POC5: variants seen among roughly 807,000 people sequenced by gnomAD.
POC5 encodes centrosomal protein POC5.
Under a neutral mutation model 62.9 loss-of-function variants are expected in POC5, and 48 were observed. The ratio of observed to expected loss-of-function variants is 0.76; its 90% CI spans 0.61 to 0.97. The LOEUF is 0.97. Among genes scored for constraint, POC5 ranks in the 50% least tolerant of loss-of-function variants. The pLI, the probability that POC5 is intolerant of heterozygous loss-of-function variation, is 0.00. For missense variants in POC5, 696 were observed against 679.5 expected, an observed-to-expected ratio of 1.02 and a Z score of -0.27; for synonymous variants, 236 against 228.2, an observed-to-expected ratio of 1.03 and a Z score of -0.31.
rs749361349 is a variant in POC5 at position 75,684,363 on chromosome 5, A to AT, written c.1407+843dup. 6.1e-3 allele frequency among the ~76,000 whole-genome samples: 806 copies of AT among 132,686 alleles called. 5 individuals carry two copies. Among genetic ancestry groups the AT allele is most frequent in the African/African-American group, 0.011 (382 of 35,520 alleles). 87.0% of individuals were successfully genotyped at this position (132,686 alleles called of 152,430 possible). A position where few individuals can be genotyped will look rare whatever the true frequency, so the allele number is the denominator to read the frequency against. On this transcript the variant is annotated intron_variant, in intron 10 of 11. Transcript: ENST00000428202. The stretch of plus-strand genomic sequence containing the variant: ...AAATTAAATCTACTTTTCCTACATA[A>AT]TTTTTTTTTTTTTTTTTTTGCGACG...
intron 5 of POC5, among the ~76,000 whole-genome samples, chr5:75,702,391 G>A (rs1276326559): frequency 6.6e-6 from 1 of 152,116 alleles, no homozygotes; most frequent in African/African-American, 2.4e-5. Context: ...CCCTGCTGAA[G>A]ACCTACTGCA....
At chr5:75,706,666 C>G (rs1431951128) in intron 3 of POC5, among the ~76,000 whole-genome samples, 1 of 151,936 alleles carries the variant, frequency 6.6e-6, no homozygotes, top group Non-Finnish European at 1.5e-5. Flanking sequence ...TGAGCTCATG[C>G]AATCCTCCCA....
chr5:75,700,034 G>A (rs2112163498), intron 5 of POC5, among the ~76,000 whole-genome samples: 1 of 151,786 alleles, frequency 6.6e-6, no homozygotes, highest in East Asian at 1.9e-4. Flanking sequence ...CCTCTTCAAG[G>A]AGAACTACAG....
intron 3 of POC5, among the ~76,000 whole-genome samples, chr5:75,706,914 G>A (rs1777144455): frequency 6.6e-6 from 1 of 152,150 alleles, no homozygotes; most frequent in South Asian, 2.1e-4. Context: ...AAAGACAGAG[G>A]AACAGTGAAA....
Position 75,690,383 on chromosome 5 carries a change from C to T in POC5, c.975G>A (p.Met325Ile), listed in dbSNP as rs751857490. The change falls in exon 8 of 12, where the codon ATG becomes ATA. Residue 325 changes from methionine (M) to isoleucine (I), a missense_variant and splice_region_variant. Physicochemically the swap from Met to Ile is conservative, Grantham distance 10. Coordinates refer to ENST00000428202, the MANE Select transcript of POC5 (RefSeq NM_001099271.2). ...ISNDYEAKVA[M>I]LSGALENAKA... Reference sequence around the variant, plus strand: ...GTGAAAACCAGAAAAAGATGCTTACCATAGCAACTTTGGCTTCATAATCAT... The same window carrying T: ...GTGAAAACCAGAAAAAGATGCTTACTATAGCAACTTTGGCTTCATAATCAT... The T allele has an allele frequency of 5.6e-6, 9 of 1,601,768 alleles. No individual in the cohort carries two copies. Among genetic ancestry groups the T allele is most frequent in the Non-Finnish European group, 7.7e-6 (9 of 1,174,764 alleles).
chr5:75,681,773 A>T (rs1023060297), intron 10 of POC5, among the ~76,000 whole-genome samples: 2 of 152,020 alleles, frequency 1.3e-5, no homozygotes, highest in Non-Finnish European at 1.5e-5. Context: ...ACTGAAAAAA[A>T]TTTTTGAATG....
rs1323463451 is a variant in POC5 at position 75,705,796 on chromosome 5, A to T, written c.224-9T>A. The T allele has an allele frequency of 6.6e-7, 1 of 1,517,794 alleles. No homozygotes were observed. 94.0% of individuals were successfully genotyped at this position (1,517,794 alleles called of 1,614,324 possible). On this transcript the variant is annotated splice_polypyrimidine_tract_variant and intron_variant, in intron 3 of 11. Transcript: ENST00000428202. The stretch of plus-strand genomic sequence containing the variant: ...TACTTCAGAGTTATTTCCTGCCAAA[A>T]AGAAAGCTTTTTAAAATTAAACTGA...
chr5:75,700,788 C>T (rs1776842828), intron 5 of POC5, among the ~76,000 whole-genome samples: 1 of 139,302 alleles, frequency 7.2e-6, no homozygotes, highest in Non-Finnish European at 1.6e-5. Flanking sequence ...AGGCAACCTA[C>T]AAAACGGGAG....
intron 10 of POC5, among the ~76,000 whole-genome samples, chr5:75,683,990 C>T (rs1378768839): frequency 1.3e-5 from 2 of 152,178 alleles, no homozygotes; most frequent in African/African-American, 4.8e-5. Flanking sequence ...AGGTGTGAGC[C>T]AATATGCCCG....
At chr5:75,676,145 T>C (rs941697021) in intron 11 of POC5, among the ~76,000 whole-genome samples, 2 of 152,228 alleles carry the variant, frequency 1.3e-5, no homozygotes, top group Non-Finnish European at 2.9e-5. Context: ...TGAATTCCCA[T>C]CATTACTACA....
chr5:75,690,542 A>C lies in POC5; in HGVS notation c.816T>G (p.Ala272=), dbSNP rs1256913646. The part of the protein sequence containing the change: ...ARQDVYEGKL[A]DQYYQRTLLK... ...GTAAAGTTCTCTGGTAGTACTGGTC[A>C]GCTAGTTTACCTTCATAAACCTAAA... Residue 272 remains alanine, a synonymous_variant, in exon 8 of 12, where the codon GCT becomes GCG. Coordinates refer to ENST00000428202, the MANE Select transcript of POC5 (RefSeq NM_001099271.2). 6.3e-7 allele frequency: 1 copy of C among 1,585,410 alleles called. No individual in the cohort carries two copies. Among genetic ancestry groups the C allele is most frequent in the Non-Finnish European group, 8.6e-7 (1 of 1,164,960 alleles).
chr5:75,689,502 G>A, intron 8 of POC5: 2 of 983,004 alleles, frequency 2.0e-6, no homozygotes, highest in Non-Finnish European at 2.4e-6. Context: ...AATACATTAA[G>A]AGCCACAGAC....
chr5:75,699,685 C>G (rs1019413087), intron 5 of POC5, among the ~76,000 whole-genome samples: 3 of 144,142 alleles, frequency 2.1e-5, no homozygotes, highest in East Asian at 4.0e-4. Flanking sequence ...TCTCACCACT[C>G]CTATTCAACA....
intron 5 of POC5, among the ~76,000 whole-genome samples, chr5:75,698,760 A>C (rs949540708): frequency 1.3e-5 from 2 of 152,096 alleles, no homozygotes; most frequent in Admixed American, 6.5e-5. Context: ...AACCCTTCAA[A>C]AAATTAATGA....
chr5:75,701,263 A>G (rs1776866718), intron 5 of POC5, among the ~76,000 whole-genome samples: 1 of 139,860 alleles, frequency 7.2e-6, no homozygotes, highest in Admixed American at 7.3e-5. Context: ...ATAAAGACAC[A>G]TGCACACGTA....
chr5:75,715,197 C>A (rs973612602), intron 1 of POC5, among the ~76,000 whole-genome samples: 2 of 151,082 alleles, frequency 1.3e-5, no homozygotes, highest in African/African-American at 2.4e-5. Flanking sequence ...GTAGTCCCAG[C>A]TACTTGGGAG....
At chr5:75,708,244 G>T (rs1341784644) in intron 2 of POC5, among the ~76,000 whole-genome samples, 1 of 152,100 alleles carries the variant, frequency 6.6e-6, no homozygotes, top group Non-Finnish European at 1.5e-5. Flanking sequence ...CTACTCAGGA[G>T]GCTGAGGCAG....
chr5:75,712,338 A>G (rs776812006), intron 2 of POC5: 29 of 1,523,108 alleles, frequency 1.9e-5, no homozygotes, highest in Non-Finnish European at 1.8e-6. Flanking sequence ...AATTTAAAAC[A>G]TTTCATGTAA....
chr5:75,713,142 A>C (rs947163180), intron 1 of POC5, among the ~76,000 whole-genome samples, 191 bp from the exon 2 acceptor site: 3 of 152,214 alleles, frequency 2.0e-5, no homozygotes, highest in African/African-American at 7.2e-5. Flanking sequence ...CCCAGTCCCA[A>C]TATTAGTGAG....
Sources: gnomAD v4.1 joint callset for allele counts (sites outside exome capture counted in the v4.1 genomes callset) on GRCh38, gnomAD v4.1.1 for gene constraint, MANE v1.5 for transcripts, NCBI Gene and HGNC (gene_info 2026-07-23, HGNC 2026-07-21) for gene names.